Variants in PTGER3 observed in about 807,000 individuals in gnomAD.
The protein encoded by PTGER3 is prostaglandin E2 receptor EP3 subtype.
Under a neutral mutation model 34.7 loss-of-function variants are expected in PTGER3, and 22 were observed. The ratio of observed to expected loss-of-function variants is 0.63; its 90% confidence interval spans 0.45 to 0.91. The LOEUF is 0.91. Ranked by LOEUF, PTGER3 falls within the 40% of genes least tolerant of loss-of-function variation. The pLI is 0.00. For missense variants in PTGER3, 468 were observed against 519.4 expected, an observed-to-expected ratio of 0.90 and a Z score of 0.96; for synonymous variants, 241 against 230.1, an observed-to-expected ratio of 1.05 and a Z score of -0.43.
intron 2 of PTGER3, chr1:70,953,887 A>G (rs1024306211): frequency 3.5e-6 from 2 of 563,848 alleles, no homozygotes; most frequent in East Asian, 3.4e-5. Flanking sequence ...GAAAATAGCT[A>G]TTTCTGTGAG....
At chr1:70,922,652 A>G (rs1381880443) in intron 4 of PTGER3, among the ~76,000 whole-genome samples, 1 of 152,190 alleles carries the variant, frequency 6.6e-6, no homozygotes, top group Non-Finnish European at 1.5e-5. Context: ...GCTAAGAGTT[A>G]ACACCATAAC....
At position 71,010,130 on chromosome 1, in the gene PTGER3, G is replaced by GT. The variant is rs973744594; in HGVS notation, c.1077+2174dup. The stretch of plus-strand genomic sequence containing the variant: ...ATTTGCAGTTAAGAATAAGTGTCAG[G>GT]TTTTTTGCCTTTCTGTATTTTTGCA... On this transcript the variant is annotated intron_variant, in intron 2 of 3. Coordinates refer to ENST00000306666, the MANE Select transcript of PTGER3 (RefSeq NM_198719.2). 1.0e-5 allele frequency: 10 copies of GT among 984,928 alleles called. No homozygotes were observed. In the African/African-American group the frequency reaches 1.8e-4, roughly 17 times the overall value. The allele number at this position is 984,928 out of a possible 1,614,324, so 61.0% of individuals were successfully genotyped here. A position where few individuals can be genotyped will look rare whatever the true frequency, so the allele number is the denominator to read the frequency against.
At chr1:70,997,146 C>A (rs1188578562) in intron 2 of PTGER3, 1 of 152,204 alleles carries the variant, frequency 6.6e-6, no homozygotes, top group Non-Finnish European at 1.5e-5. Flanking sequence ...GTGGTGCATG[C>A]CTGTAATCCC....
chr1:70,966,444 G>A (rs1285690858), downstream of PTGER3, among the ~76,000 whole-genome samples: 2 of 151,896 alleles, frequency 1.3e-5, no homozygotes, highest in Admixed American at 1.3e-4. Flanking sequence ...TTAATATGCA[G>A]GCTTATATTT....
At chr1:70,988,017 A>G (rs771722597) in intron 2 of PTGER3, among the ~76,000 whole-genome samples, 8 of 152,200 alleles carry the variant, frequency 5.3e-5, no homozygotes, top group East Asian at 1.9e-4. Flanking sequence ...TTCACAATGC[A>G]TTCTCATTTC....
rs117787695 is a variant in PTGER3, at chr1:70,984,564, T to C, written c.1078-10176A>G. Among the ~76,000 whole-genome samples the C allele has an allele frequency of 2.4e-4, 36 of 151,934 alleles. 1 individual carries two copies. The East Asian group carries it at 5.0e-3, about 21-fold the overall frequency. ...ATCTGTCCCTACCAAAAAAGAAAGT[T>C]TTAAATTAGTCAGGTGTGCTGGTGT... On this transcript the variant is annotated intron_variant, in intron 2 of 3. Transcript: ENST00000306666.
chr1:70,861,696 A>G (rs1245031463), intron 4 of PTGER3, among the ~76,000 whole-genome samples: 1 of 151,494 alleles, frequency 6.6e-6, no homozygotes. Flanking sequence ...TCATGGTTCC[A>G]TTAGCAAAAA....
chr1:70,993,285 A>G (rs1655633583), intron 2 of PTGER3, among the ~76,000 whole-genome samples: 1 of 152,216 alleles, frequency 6.6e-6, no homozygotes, highest in South Asian at 2.1e-4. Flanking sequence ...AAACTTCTAG[A>G]GAGACAGCGC....
chr1:70,951,247 G>A (rs913103899), downstream of PTGER3: 22 of 152,006 alleles, frequency 1.4e-4, no homozygotes, highest in Non-Finnish European at 2.4e-4. Context: ...TAACAATAAA[G>A]CATTAAAATT....
chr1:71,023,226 G>A (rs548579012), intron 1 of PTGER3, among the ~76,000 whole-genome samples: 3 of 151,934 alleles, frequency 2.0e-5, no homozygotes, highest in South Asian at 4.1e-4. Context: ...CAGAATCAAC[G>A]CCACAGTCTT....
downstream of PTGER3, among the ~76,000 whole-genome samples, chr1:70,969,599 G>T (rs976370167): frequency 1.3e-5 from 2 of 152,080 alleles, no homozygotes; most frequent in African/African-American, 2.4e-5. Context: ...TGCAGACAGA[G>T]GTAAGGAAAA....
chr1:70,975,447 G>A (rs533641687), intron 2 of PTGER3, among the ~76,000 whole-genome samples: 26 of 152,208 alleles, frequency 1.7e-4, no homozygotes, highest in African/African-American at 6.3e-4. Flanking sequence ...TGTTACAAGA[G>A]AAAGGAGAAA....
intron 2 of PTGER3, chr1:71,005,975 G>C: frequency 1.9e-6 from 1 of 521,456 alleles, no homozygotes; most frequent in Non-Finnish European, 2.5e-6. Flanking sequence ...AGGGTAATTA[G>C]CACATCATCA....
chr1:70,926,566 T>C (rs887047227), intron 4 of PTGER3, among the ~76,000 whole-genome samples: 40 of 152,316 alleles, frequency 2.6e-4, no homozygotes, highest in African/African-American at 9.4e-4. Flanking sequence ...CTTATCAGCT[T>C]AAGGAGATTT....
chr1:71,021,058 C>G (rs941761157), intron 1 of PTGER3, among the ~76,000 whole-genome samples: 3 of 152,042 alleles, frequency 2.0e-5, no homozygotes, highest in Non-Finnish European at 2.9e-5. Context: ...TTGACATTCA[C>G]AAACAGAACA....
intron 2 of PTGER3, among the ~76,000 whole-genome samples, chr1:70,955,670 C>T (rs769458188): frequency 5.9e-5 from 9 of 152,110 alleles, no homozygotes; most frequent in Non-Finnish European, 1.0e-4. Context: ...TGTCCTCTTT[C>T]CCCAGTAGAA....
At chr1:70,953,601 A>G (rs778206406) in intron 3 of PTGER3, among the ~76,000 whole-genome samples, 1 of 152,150 alleles carries the variant, frequency 6.6e-6, no homozygotes, top group African/African-American at 2.4e-5. Context: ...CTGCTACTAT[A>G]TATCCTAATC....
intron 3 of PTGER3, among the ~76,000 whole-genome samples, chr1:70,953,526 T>A (rs952190482): frequency 6.6e-6 from 1 of 152,122 alleles, no homozygotes. Context: ...ACATGTTATA[T>A]GGGGGCAAAG....
At chr1:70,982,901 T>A (rs1654524646) in intron 2 of PTGER3, among the ~76,000 whole-genome samples, 1 of 152,146 alleles carries the variant, frequency 6.6e-6, no homozygotes. Context: ...AGTGTAAACA[T>A]ATATCAACAC....
Sources: gnomAD v4.1 joint callset for allele counts (sites outside exome capture counted in the v4.1 genomes callset) on GRCh38, gnomAD v4.1.1 for gene constraint, MANE v1.5 for transcripts, NCBI Gene and HGNC (gene_info 2026-07-23, HGNC 2026-07-21) for gene names.